KIF11: variants seen among roughly 807,000 people sequenced by gnomAD.
KIF11 encodes the protein kinesin-like protein KIF11.
Under a neutral mutation model 121.0 loss-of-function variants are expected in KIF11, and 9 were observed. That is an observed-to-expected ratio of 0.07 (90% CI 0.04 to 0.13). KIF11 has a LOEUF of 0.13. KIF11 is among the 10% of genes least tolerant of loss of function. The pLI is 1.00. For synonymous variants in KIF11, 408 were observed against 421.0 expected, an observed-to-expected ratio of 0.97 and a Z score of 0.38; for missense variants, 846 against 1,217.5, an observed-to-expected ratio of 0.69 and a Z score of 4.54.
chr10:92,601,728 G>T (rs1259980931), intron 1 of KIF11, among the ~76,000 whole-genome samples: 7 of 148,950 alleles, frequency 4.7e-5, no homozygotes, highest in African/African-American at 1.5e-4. Context: ...TTTTTTTAGA[G>T]ATGGGGTCTC....
At chr10:92,652,412 T>C (rs1407285201) in intron 21 of KIF11, among the ~76,000 whole-genome samples, 1 of 152,166 alleles carries the variant, frequency 6.6e-6, no homozygotes, top group Admixed American at 6.5e-5. Context: ...AGTGCTGGGA[T>C]TACAAGCGTG....
intron 13 of KIF11, among the ~76,000 whole-genome samples, chr10:92,633,007 T>C (rs1352165067): frequency 2.0e-5 from 3 of 152,194 alleles, no homozygotes; most frequent in Non-Finnish European, 2.9e-5. Flanking sequence ...ATAGGTGTTA[T>C]TGTTAAATTT....
At chr10:92,635,247 A>G (rs1261803062) in intron 14 of KIF11, among the ~76,000 whole-genome samples, 1 of 152,172 alleles carries the variant, frequency 6.6e-6, no homozygotes, top group African/African-American at 2.4e-5. Context: ...GGTTTTCTCA[A>G]TCACCCAAAT....
chr10:92,644,079 G>A (rs552613393), intron 17 of KIF11, among the ~76,000 whole-genome samples: 1 of 152,282 alleles, frequency 6.6e-6, no homozygotes, highest in East Asian at 1.9e-4. Context: ...TAGGATTGAA[G>A]TAGGAAGGGA....
At chr10:92,629,131 C>T (rs1046421635) in intron 11 of KIF11, among the ~76,000 whole-genome samples, 1 of 151,786 alleles carries the variant, frequency 6.6e-6, no homozygotes, top group Admixed American at 6.6e-5. Context: ...CAGGTGTGCA[C>T]CACCATGCCT....
intron 10 of KIF11, among the ~76,000 whole-genome samples, chr10:92,625,235 C>A (rs1844661330): frequency 6.6e-6 from 1 of 152,042 alleles, no homozygotes; most frequent in Admixed American, 6.5e-5. Context: ...GAGATGGTTT[C>A]TCATTGTGGT....
intron 11 of KIF11, among the ~76,000 whole-genome samples, chr10:92,629,365 T>C (rs1234422920): frequency 6.6e-6 from 1 of 152,194 alleles, no homozygotes; most frequent in Admixed American, 6.5e-5. Context: ...GATTTTTTAC[T>C]ATCATTAATC....
intron 4 of KIF11, among the ~76,000 whole-genome samples, 190 bp from the exon 5 acceptor site, chr10:92,608,830 G>T (rs1844459827): frequency 6.6e-6 from 1 of 152,180 alleles, no homozygotes; most frequent in South Asian, 2.1e-4. Flanking sequence ...TATGGAGGGT[G>T]TGAAGACTAC....
At chr10:92,614,374 C>T (rs1844531442) in intron 8 of KIF11, among the ~76,000 whole-genome samples, 1 of 152,064 alleles carries the variant, frequency 6.6e-6, no homozygotes, top group African/African-American at 2.4e-5. Flanking sequence ...TAGGATTACA[C>T]GCGTGTGCCA....
intron 1 of KIF11, among the ~76,000 whole-genome samples, chr10:92,596,552 C>A: frequency 1.1e-5 from 1 of 88,994 alleles, no homozygotes; most frequent in Admixed American, 1.0e-4. Flanking sequence ...TTTTTTTTTT[C>A]AAGTAGCCAT....
Position 92,616,718 on chromosome 10 carries a change from C to G in KIF11, c.1033-19C>G. On this transcript the variant is annotated intron_variant, in intron 8 of 21. Coordinates refer to ENST00000260731, the MANE Select transcript of KIF11 (RefSeq NM_004523.4). ...TTCTCACAATATCTTCAGTAATTGA[C>G]CTTTCCTTTCCATGACAGGAAACTC... is the stretch of plus-strand genomic sequence containing the variant. 7.6e-7 allele frequency: 1 copy of G among 1,322,188 alleles called. No homozygotes were observed. Among genetic ancestry groups the G allele is most frequent in the Non-Finnish European group, 1.1e-6 (1 of 920,882 alleles). The allele number at this position is 1,322,188 out of a possible 1,614,324, so 81.9% of individuals were successfully genotyped here. A position where few individuals can be genotyped will look rare whatever the true frequency, so the allele number is the denominator to read the frequency against.
intron 12 of KIF11, among the ~76,000 whole-genome samples, chr10:92,632,190 G>C (rs546338949): frequency 1.1e-4 from 16 of 151,360 alleles, no homozygotes; most frequent in Non-Finnish European, 2.2e-4. Context: ...TTTTGAGACA[G>C]AGTCTCTCTC....
chr10:92,634,392 C>T (rs578002753), intron 14 of KIF11, among the ~76,000 whole-genome samples: 1 of 152,190 alleles, frequency 6.6e-6, no homozygotes, highest in Admixed American at 6.5e-5. Context: ...GCCTCAGCCT[C>T]CCGGGTAGAT....
At chr10:92,622,305 A>C (rs1487177035) in intron 10 of KIF11, among the ~76,000 whole-genome samples, 1 of 151,304 alleles carries the variant, frequency 6.6e-6, no homozygotes, top group African/African-American at 2.4e-5. Context: ...ATAGATAAAT[A>C]AAAAATAGGC....
chr10:92,650,483 A>T lies in KIF11; in HGVS notation c.3005A>T (p.Asp1002Val), dbSNP rs776077067. 2.5e-6 allele frequency: 4 copies of T among 1,612,928 alleles called. No homozygotes were observed. The highest frequency in any genetic ancestry group is 3.4e-6 in the Non-Finnish European group (4 of 1,178,930). The change falls in exon 21 of 22, where the codon GAT becomes GTT. Residue 1002 changes from aspartate (D) to valine (V), a missense_variant. Around this residue, in one of 5 missense-constraint regions of KIF11, gnomAD observed 492 missense variants for 603.4 expected, o/e 0.82. Transcript: ENST00000260731. ...GAGCCATCTGTAGATGCTGGTGTGG[A>T]TTGTTCATCAATTGGCGGGGTTCCA... ...SQEPSVDAGV[D>V]CSSIGGVPFF...
chr10:92,594,547 C>T (rs1229717375), intron 1 of KIF11, among the ~76,000 whole-genome samples: 1 of 152,118 alleles, frequency 6.6e-6, no homozygotes, highest in Non-Finnish European at 1.5e-5. Context: ...TAAAACCAGG[C>T]AATATTACCT....
intron 14 of KIF11, among the ~76,000 whole-genome samples, chr10:92,635,604 C>G (rs900068162): frequency 6.6e-6 from 1 of 152,126 alleles, no homozygotes; most frequent in Non-Finnish European, 1.5e-5. Flanking sequence ...GATCATTGAT[C>G]ACAGTGTATA....
chr10:92,602,102 A>T (rs1444880124), intron 1 of KIF11, among the ~76,000 whole-genome samples: 3 of 152,174 alleles, frequency 2.0e-5, no homozygotes, highest in Non-Finnish European at 4.4e-5. Context: ...CCTGTATTCC[A>T]GGAATAAATC....
At chr10:92,602,475 G>T (rs1844382515) in intron 1 of KIF11, among the ~76,000 whole-genome samples, 1 of 151,994 alleles carries the variant, frequency 6.6e-6, no homozygotes, top group African/African-American at 2.4e-5. Context: ...CCATTTCTTT[G>T]TGATTTAGTC....
Sources: gnomAD v4.1 joint callset for allele counts (sites outside exome capture counted in the v4.1 genomes callset) on GRCh38, gnomAD v4.1.1 for gene constraint, gnomAD v4.1.1 regional missense constraint, MANE v1.5 for transcripts, NCBI Gene and HGNC (gene_info 2026-07-23, HGNC 2026-07-21) for gene names.